CTNNA3: variants seen among roughly 807,000 people sequenced by gnomAD.
CTNNA3 encodes the protein catenin alpha-3.
Under a neutral mutation model 95.7 loss-of-function variants are expected in CTNNA3, and 76 were observed. That is an observed-to-expected ratio of 0.79 (90% CI 0.66 to 0.96). CTNNA3 has a LOEUF of 0.96. Ranked by LOEUF, CTNNA3 falls within the 40% of genes least tolerant of loss-of-function variation. The pLI is 0.00. For missense variants in CTNNA3, 1,191 were observed against 1,089.8 expected, an observed-to-expected ratio of 1.09 and a Z score of -1.31; for synonymous variants, 431 against 374.4, an observed-to-expected ratio of 1.15 and a Z score of -1.74.
At chr10:66,246,571 A>AT (rs2090334069) in intron 13 of CTNNA3, among the ~76,000 whole-genome samples, 1 of 152,138 alleles carries the variant, frequency 6.6e-6, no homozygotes, top group Non-Finnish European at 1.5e-5. Context: ...AAAATTAAAA[A>AT]TAGCTATTTT....
chr10:67,699,733 A>G (rs1841019307), upstream of CTNNA3, among the ~76,000 whole-genome samples: 2 of 152,206 alleles, frequency 1.3e-5, no homozygotes, highest in South Asian at 4.1e-4. Flanking sequence ...CATCTGAGGT[A>G]CCAGGTTCAT....
chr10:67,162,297 T>C (rs1447024202), intron 7 of CTNNA3, among the ~76,000 whole-genome samples: 1 of 152,004 alleles, frequency 6.6e-6, no homozygotes, highest in African/African-American at 2.4e-5. Context: ...GACAAGGAAA[T>C]ATCCTACAGG....
intron 5 of CTNNA3, among the ~76,000 whole-genome samples, chr10:67,357,151 C>T (rs1165036649): frequency 6.6e-6 from 1 of 152,102 alleles, no homozygotes; most frequent in Non-Finnish European, 1.5e-5. Context: ...TATCCAAGCT[C>T]TTATCTAAGA....
chr10:66,056,519 T>C (rs955951583), intron 15 of CTNNA3, among the ~76,000 whole-genome samples: 1 of 152,194 alleles, frequency 6.6e-6, no homozygotes, highest in African/African-American at 2.4e-5. Flanking sequence ...CATCTGGTTT[T>C]GGTATTAGGA....
At chr10:66,132,265 G>T (rs555251137) in intron 13 of CTNNA3, among the ~76,000 whole-genome samples, 48 of 152,172 alleles carry the variant, frequency 3.2e-4, no homozygotes, top group Non-Finnish European at 6.6e-4. Context: ...CTTTTCAAAA[G>T]AAGACATACA....
chr10:66,821,841 A>G (rs1013770707), intron 7 of CTNNA3, among the ~76,000 whole-genome samples: 29 of 152,266 alleles, frequency 1.9e-4, no homozygotes, highest in Admixed American at 1.7e-3. Context: ...AAGCACCTTC[A>G]AGACAGACAC....
chr10:66,377,620 C>A (rs973707638), intron 12 of CTNNA3, among the ~76,000 whole-genome samples: 1 of 151,712 alleles, frequency 6.6e-6, no homozygotes, highest in Non-Finnish European at 1.5e-5. Flanking sequence ...TAGATTTTAC[C>A]TAACCAATTC....
At chr10:66,143,120 A>G (rs1276271754) in intron 13 of CTNNA3, among the ~76,000 whole-genome samples, 1 of 152,066 alleles carries the variant, frequency 6.6e-6, no homozygotes, top group Non-Finnish European at 1.5e-5. Flanking sequence ...CACCACCATT[A>G]TTATGGAACT....
At chr10:66,662,694 G>C (rs1846305320) in intron 9 of CTNNA3, among the ~76,000 whole-genome samples, 1 of 151,900 alleles carries the variant, frequency 6.6e-6, no homozygotes, top group Non-Finnish European at 1.5e-5. Context: ...ATTGTTGTCT[G>C]CTTCCCTCCT....
chr10:66,455,383 A>C (rs749055627), intron 11 of CTNNA3, among the ~76,000 whole-genome samples: 14 of 152,182 alleles, frequency 9.2e-5, no homozygotes, highest in Non-Finnish European at 1.6e-4. Flanking sequence ...AAGACTCGTC[A>C]ACCCAATGGA....
intron 5 of CTNNA3, among the ~76,000 whole-genome samples, chr10:67,503,705 A>T (rs1010470159): frequency 1.3e-5 from 2 of 152,228 alleles, no homozygotes; most frequent in Admixed American, 1.3e-4. Context: ...GATAACATCT[A>T]TTCCATATAT....
chr10:67,731,994 C>G (rs927837764), intron 1 of CTNNA3, among the ~76,000 whole-genome samples: 4 of 150,958 alleles, frequency 2.6e-5, no homozygotes, highest in Non-Finnish European at 4.4e-5. Flanking sequence ...GTTGACCAGG[C>G]TGGTCTCGAA....
chr10:67,542,775 A>G (rs1840721303), intron 3 of CTNNA3, among the ~76,000 whole-genome samples: 1 of 152,160 alleles, frequency 6.6e-6, no homozygotes. Flanking sequence ...CCAACTATTG[A>G]TAAGGTATTG....
chr10:67,640,932 G>T (rs1429261035), intron 2 of CTNNA3, among the ~76,000 whole-genome samples: 2 of 152,098 alleles, frequency 1.3e-5, no homozygotes, highest in Non-Finnish European at 2.9e-5. Flanking sequence ...TACCATTCAG[G>T]ACATAGGCAT....
chr10:65,998,058 A>G (rs79566305), intron 15 of CTNNA3, among the ~76,000 whole-genome samples: 9,412 of 152,288 alleles, frequency 0.062, 335 homozygotes, highest in South Asian at 0.1. Flanking sequence ...TGAGTATAAT[A>G]TAAAGCTGGA....
At chr10:66,977,453 T>C (rs1850115851) in intron 7 of CTNNA3, among the ~76,000 whole-genome samples, 1 of 149,952 alleles carries the variant, frequency 6.7e-6, no homozygotes, top group African/African-American at 2.5e-5. Context: ...AAAAAATGTA[T>C]AAAGATCATA....
chr10:67,334,019 T>G (rs767277871), intron 5 of CTNNA3: 3 of 152,212 alleles, frequency 2.0e-5, no homozygotes, highest in Non-Finnish European at 4.4e-5. Context: ...CACTAGGATT[T>G]CCTTTAGTTA....
chr10:67,128,068 T>C (rs990947361), intron 7 of CTNNA3, among the ~76,000 whole-genome samples: 28 of 152,066 alleles, frequency 1.8e-4, no homozygotes, highest in African/African-American at 6.5e-4. Context: ...ACTCCTCCTC[T>C]TCATCATCTC....
chr10:66,866,995 A>G (rs1459490820), intron 7 of CTNNA3, among the ~76,000 whole-genome samples: 1 of 152,086 alleles, frequency 6.6e-6, no homozygotes, highest in Non-Finnish European at 1.5e-5. Context: ...TGGTTTTATA[A>G]GGGGTTTCTC....
Sources: gnomAD v4.1 joint callset for allele counts (sites outside exome capture counted in the v4.1 genomes callset) on GRCh38, gnomAD v4.1.1 for gene constraint, MANE v1.5 for transcripts, NCBI Gene and HGNC (gene_info 2026-07-23, HGNC 2026-07-21) for gene names.